CCDC148: variants seen among roughly 807,000 people sequenced by gnomAD.
The protein encoded by CCDC148 is coiled-coil domain-containing protein 148.
A neutral mutation model predicts 85.7 loss-of-function variants in CCDC148; 89 were observed. The ratio of observed to expected loss-of-function variants is 1.04; its 90% confidence interval spans 0.87 to 1.24. The LOEUF (loss-of-function observed/expected upper bound fraction) is 1.24, where lower values mean the gene tolerates loss of function less well. Among genes scored for constraint, CCDC148 ranks in the 50% most tolerant of loss-of-function variants. The pLI, the probability that CCDC148 is intolerant of heterozygous loss-of-function variation, is 0.00. For missense variants in CCDC148, 692 were observed against 671.7 expected, an observed-to-expected ratio of 1.03 and a Z score of -0.33; for synonymous variants, 230 against 213.9, an observed-to-expected ratio of 1.08 and a Z score of -0.66.
rs1306710491 is a variant in CCDC148, at chr2:158,250,891, G to T, written c.1132C>A (p.Gln378Lys). Residue 378 changes from glutamine to lysine, a missense_variant, in exon 10 of 14, where the codon CAA becomes AAA. Coordinates refer to ENST00000283233, the MANE Select transcript of CCDC148 (RefSeq NM_138803.4). Reference protein sequence around the residue: ...KAKVRQWRAHQEEVARLEMEI... With the variant: ...KAKVRQWRAHKEEVARLEMEI... Reference sequence around the variant, plus strand: ...ATTTCCAGTCTTGCTACCTCTTCTTGGTGGGCTCGCCATTGACGAACCTGA... The same window carrying T: ...ATTTCCAGTCTTGCTACCTCTTCTTTGTGGGCTCGCCATTGACGAACCTGA... The T allele has an allele frequency of 1.9e-6, 3 of 1,601,416 alleles. No homozygotes were observed. The highest frequency in any genetic ancestry group is 3.4e-5 in the Admixed American group (2 of 58,568).
chr2:158,207,853 C>A (rs534114437), intron 11 of CCDC148, among the ~76,000 whole-genome samples: 2 of 152,148 alleles, frequency 1.3e-5, no homozygotes, highest in African/African-American at 4.8e-5. Context: ...AATGGGCATA[C>A]GTAATTCACA....
chr2:158,387,284 A>G (rs1386581144), intron 1 of CCDC148, among the ~76,000 whole-genome samples: 5 of 61,698 alleles, frequency 8.1e-5, no homozygotes, highest in East Asian at 6.4e-4. Flanking sequence ...ACACATTTAT[A>G]TCATTATCTA....
intron 11 of CCDC148, among the ~76,000 whole-genome samples, chr2:158,197,598 G>C (rs1372278907): frequency 6.6e-6 from 1 of 152,104 alleles, no homozygotes; most frequent in East Asian, 1.9e-4. Flanking sequence ...TATTTTGCTG[G>C]AGAGCATAAG....
chr2:158,231,222 T>G (rs754048114), intron 10 of CCDC148, among the ~76,000 whole-genome samples: 6 of 152,154 alleles, frequency 3.9e-5, no homozygotes, highest in Non-Finnish European at 7.3e-5. Context: ...GGTTATGCAC[T>G]CTCATGCTTA....
At chr2:158,333,398 C>T (rs1693252049) in intron 7 of CCDC148, among the ~76,000 whole-genome samples, 1 of 152,176 alleles carries the variant, frequency 6.6e-6, no homozygotes. Context: ...GTTATGATTT[C>T]TGTTCTTTTG....
At chr2:158,433,090 AAATATAT>A (rs1385350866) in intron 1 of CCDC148, among the ~76,000 whole-genome samples, 2 of 69,730 alleles carry the variant, frequency 2.9e-5, no homozygotes, top group Non-Finnish European at 6.9e-5. Context: ...AAAAAAAAAA[AAATATAT>A]ATATATATAT....
At chr2:158,355,440 A>C (rs940426425) in intron 2 of CCDC148, among the ~76,000 whole-genome samples, 9 of 152,118 alleles carry the variant, frequency 5.9e-5, no homozygotes, top group Non-Finnish European at 5.9e-5. Context: ...CAGCAACAGA[A>C]AAACAGAGAG....
In CCDC148 at chr2:158,309,493, C is replaced by A; in HGVS notation, c.1050G>T (p.Glu350Asp). 6.2e-7 allele frequency: 1 copy of A among 1,614,186 alleles called. No individual in the cohort carries two copies. Among genetic ancestry groups the A allele is most frequent in the South Asian group, 1.1e-5 (1 of 91,088 alleles). ...LTEACATHEM[E>D]SMLAKDKKKQ... ...TTTTCTTGTCCTTAGCCAACATGCT[C>A]TCCATTTCATGTGTTGCACAAGCCT... Residue 350 changes from glutamate to aspartate, a missense_variant, in exon 9 of 14, where the codon GAG (glutamate) becomes GAT (aspartate). Transcript: ENST00000283233.
chr2:158,306,567 C>T (rs1691695345), intron 9 of CCDC148, among the ~76,000 whole-genome samples: 1 of 151,676 alleles, frequency 6.6e-6, no homozygotes, highest in Admixed American at 6.6e-5. Context: ...TCTCAGCAAA[C>T]TATCACAAGA....
intron 1 of CCDC148, among the ~76,000 whole-genome samples, chr2:158,434,496 T>C (rs1291624752): frequency 3.3e-5 from 5 of 151,986 alleles, no homozygotes; most frequent in Admixed American, 3.3e-4. Flanking sequence ...AGACCAAAGG[T>C]AGATAAAACC....
chr2:158,414,445 C>T (rs1411266995), intron 1 of CCDC148, among the ~76,000 whole-genome samples: 1 of 152,158 alleles, frequency 6.6e-6, no homozygotes, highest in Non-Finnish European at 1.5e-5. Context: ...TGAATTTGCT[C>T]AAGTGGGGCA....
intron 1 of CCDC148, among the ~76,000 whole-genome samples, chr2:158,371,757 CA>C (rs1684453609): frequency 6.6e-6 from 1 of 151,576 alleles, no homozygotes; most frequent in African/African-American, 2.4e-5. Context: ...CTACAAGAAT[CA>C]AAGACAGAAA....
intron 7 of CCDC148, among the ~76,000 whole-genome samples, chr2:158,325,746 A>G (rs868817736): frequency 6.6e-6 from 1 of 151,990 alleles, no homozygotes; most frequent in African/African-American, 2.4e-5. Context: ...GTTGATGGCA[A>G]CTCCATCCTT....
intron 7 of CCDC148, among the ~76,000 whole-genome samples, chr2:158,316,495 G>A (rs1692288573): frequency 6.6e-6 from 1 of 152,106 alleles, no homozygotes; most frequent in South Asian, 2.1e-4. Flanking sequence ...GATTTTAGAA[G>A]CCTCACATCC....
Position 158,172,019 on chromosome 2 carries a change from T to C in CCDC148, c.*94A>G. On this transcript the variant is annotated 3_prime_UTR_variant, in exon 14 of 14. Transcript: ENST00000283233. ...TAGATGCTATGATTTCTATGTCTGA[T>C]ATTTCAAACATTTTAGAAAGTAGTA... The C allele has an allele frequency of 1.0e-6, 1 of 956,762 alleles. No individual in the cohort carries two copies. The highest frequency in any genetic ancestry group is 1.5e-6 in the Non-Finnish European group (1 of 663,072). The allele number at this position is 956,762 out of a possible 1,614,324, so 59.3% of individuals were successfully genotyped here. A position where few individuals can be genotyped will look rare whatever the true frequency, so the allele number is the denominator to read the frequency against.
chr2:158,414,925 T>C lies in CCDC148; in HGVS notation c.25+41490A>G, dbSNP rs548140892. On this transcript the variant is annotated intron_variant, in intron 1 of 13. Coordinates refer to ENST00000283233, the MANE Select transcript of CCDC148 (RefSeq NM_138803.4). The stretch of plus-strand genomic sequence containing the variant: ...AGTAGTCAGACACTCCTTGCTTTCA[T>C]TGAGATAGACATGAATGTAAAAAGT... Among the ~76,000 whole-genome samples the C allele has an allele frequency of 5.3e-5, 8 of 152,212 alleles. No homozygotes were observed. In the South Asian group the frequency reaches 6.2e-4, roughly 12 times the overall value.
chr2:158,277,798 G>A (rs1361838001), intron 9 of CCDC148, among the ~76,000 whole-genome samples: 8 of 152,156 alleles, frequency 5.3e-5, no homozygotes, highest in Middle Eastern at 6.8e-3. Flanking sequence ...GGGTTTCACC[G>A]TGTTAGCCAG....
chr2:158,212,934 A>C (rs1264330086), intron 11 of CCDC148, among the ~76,000 whole-genome samples: 3 of 152,218 alleles, frequency 2.0e-5, no homozygotes, highest in Non-Finnish European at 2.9e-5. Context: ...AGAACCCAGT[A>C]GGTGACTTTG....
At chr2:158,398,578 A>G (rs1685632619) in intron 1 of CCDC148, among the ~76,000 whole-genome samples, 1 of 152,214 alleles carries the variant, frequency 6.6e-6, no homozygotes, top group African/African-American at 2.4e-5. Context: ...TTTGAAACCA[A>G]TGAGAACAAA....
Sources: allele counts gnomAD v4.1 joint callset (sites outside exome capture counted in the v4.1 genomes callset), GRCh38; gene constraint gnomAD v4.1.1; transcripts MANE v1.5; gene names NCBI Gene and HGNC (gene_info 2026-07-23, HGNC 2026-07-21).